AGBL4: variants seen among roughly 807,000 people sequenced by gnomAD.
AGBL4 encodes the protein cytosolic carboxypeptidase 6.
AGBL4 carries 58 observed loss-of-function variants against 66.4 expected under a neutral mutation model. The ratio of observed to expected loss-of-function variants is 0.87; its 90% CI spans 0.71 to 1.09. The LOEUF is 1.09. Ranked by LOEUF, AGBL4 falls within the 50% of genes least tolerant of loss-of-function variation. The pLI, the probability that AGBL4 is intolerant of heterozygous loss-of-function variation, is 0.00. For synonymous variants in AGBL4, 234 were observed against 222.9 expected (o/e 1.05, Z -0.44); for missense variants, 579 against 631.0 (o/e 0.92, Z 0.88).
chr1:49,587,571 C>G (rs1022691247), intron 3 of AGBL4, among the ~76,000 whole-genome samples: 9 of 152,112 alleles, frequency 5.9e-5, no homozygotes, highest in African/African-American at 2.2e-4. Flanking sequence ...TACCCGCTAG[C>G]TGGAACCCTG....
chr1:48,736,569 G>A lies in AGBL4; in HGVS notation c.635-73328C>T, dbSNP rs1048657346. The stretch of plus-strand genomic sequence containing the variant: ...TGTAAGAGATTCATGTCATAAATAT[G>A]AAATTAACTCTCTTTAAGGGTAATC... On this transcript the variant is annotated intron_variant, in intron 6 of 13. Transcript: ENST00000371839. The surrounding 1 kb of genome is among the most constrained non-coding windows in gnomAD (Gnocchi z 4.0). 6.1e-6 allele frequency: 5 copies of A among 825,490 alleles called. No homozygotes were observed. The highest frequency in any genetic ancestry group is 9.7e-6 in the Non-Finnish European group (5 of 514,998). 51.1% of individuals were successfully genotyped at this position (825,490 alleles called of 1,614,324 possible). A position where few individuals can be genotyped will look rare whatever the true frequency, so the allele number is the denominator to read the frequency against.
chr1:49,043,940 A>T (rs1024527773), intron 5 of AGBL4, among the ~76,000 whole-genome samples: 4 of 152,186 alleles, frequency 2.6e-5, no homozygotes, highest in African/African-American at 9.7e-5. Context: ...GAGTCCATTT[A>T]ACTAGCAACA....
At chr1:49,324,559 G>A (rs920499904) in intron 3 of AGBL4, among the ~76,000 whole-genome samples, 1 of 152,234 alleles carries the variant, frequency 6.6e-6, no homozygotes, top group South Asian at 2.1e-4. Context: ...TGTGTTTACA[G>A]GGCATTAGAA....
chr1:49,586,492 G>T (rs1425560722), intron 3 of AGBL4, among the ~76,000 whole-genome samples: 1 of 152,156 alleles, frequency 6.6e-6, no homozygotes, highest in African/African-American at 2.4e-5. Context: ...AAAAGATCTT[G>T]TGAAGACAGT....
At chr1:49,071,157 G>T (rs891478226) in intron 4 of AGBL4, among the ~76,000 whole-genome samples, 2 of 151,738 alleles carry the variant, frequency 1.3e-5, no homozygotes, top group South Asian at 4.2e-4. Context: ...AGTCTGGCTT[G>T]TGGCCTATCT....
chr1:48,670,727 C>T (rs1646263439), intron 6 of AGBL4, among the ~76,000 whole-genome samples: 1 of 152,196 alleles, frequency 6.6e-6, no homozygotes, highest in Admixed American at 6.5e-5. Flanking sequence ...CTTCCTCAGG[C>T]AGGCTCCCTA....
At chr1:49,356,932 T>C (rs1380594271) in intron 3 of AGBL4, among the ~76,000 whole-genome samples, 1 of 152,118 alleles carries the variant, frequency 6.6e-6, no homozygotes, top group Non-Finnish European at 1.5e-5. Context: ...ACATGTCCAG[T>C]AGGTTTTCAG....
At chr1:49,866,006 T>C in intron 1 of AGBL4, 1 of 307,750 alleles carries the variant, frequency 3.2e-6, no homozygotes, top group Non-Finnish European at 6.7e-6. Context: ...AGGAAAGAAT[T>C]TCAGAGCTTC....
intron 4 of AGBL4, among the ~76,000 whole-genome samples, chr1:49,092,064 A>T (rs1344061215): frequency 2.0e-5 from 3 of 152,040 alleles, no homozygotes; most frequent in Non-Finnish European, 2.9e-5. Context: ...GAGGATAGAG[A>T]AACTACCTAT....
intron 3 of AGBL4, among the ~76,000 whole-genome samples, chr1:49,428,506 A>T (rs945402019): frequency 2.6e-5 from 4 of 152,232 alleles, no homozygotes; most frequent in Non-Finnish European, 5.9e-5. Flanking sequence ...TGTGAATAAT[A>T]GCAGCAGAGG....
At chr1:49,762,955 C>T (rs1652453152) in intron 2 of AGBL4, among the ~76,000 whole-genome samples, 1 of 152,164 alleles carries the variant, frequency 6.6e-6, no homozygotes, top group Non-Finnish European at 1.5e-5. Context: ...AATCCTTGCC[C>T]AGCCCAGCGT....
intron 3 of AGBL4, among the ~76,000 whole-genome samples, chr1:49,510,965 C>T (rs2148782550): frequency 6.6e-6 from 1 of 151,502 alleles, no homozygotes; most frequent in South Asian, 2.1e-4. Context: ...GTACCAGTAC[C>T]ATGCTGTTTT....
intron 11 of AGBL4, among the ~76,000 whole-genome samples, chr1:48,548,789 C>G (rs1569734010): frequency 6.6e-6 from 1 of 152,356 alleles, no homozygotes; most frequent in East Asian, 1.9e-4. Context: ...CATGGCAGCT[C>G]TGATTACCAT....
At chr1:48,912,072 G>A (rs1653176933) in intron 5 of AGBL4, among the ~76,000 whole-genome samples, 1 of 152,074 alleles carries the variant, frequency 6.6e-6, no homozygotes, top group Admixed American at 6.5e-5. Context: ...AGCATATACT[G>A]AGCATCTGTG....
intron 9 of AGBL4, among the ~76,000 whole-genome samples, chr1:48,598,264 G>A (rs1208393199): frequency 2.0e-5 from 3 of 152,150 alleles, no homozygotes; most frequent in Non-Finnish European, 4.4e-5. Flanking sequence ...TGAGGCAGTT[G>A]AGACAGTTCC....
At chr1:48,709,746 C>T (rs1456011080) in intron 6 of AGBL4, among the ~76,000 whole-genome samples, 1 of 151,958 alleles carries the variant, frequency 6.6e-6, no homozygotes, top group East Asian at 1.9e-4. Flanking sequence ...GGACTACAGG[C>T]ACCCGCCACC....
intron 6 of AGBL4, among the ~76,000 whole-genome samples, chr1:48,850,644 C>T (rs933594661): frequency 2.0e-5 from 3 of 152,178 alleles, no homozygotes; most frequent in East Asian, 1.9e-4. Context: ...CCCACACCAA[C>T]CTCCCAAGTA....
intron 3 of AGBL4, among the ~76,000 whole-genome samples, chr1:49,277,738 A>C (rs1331555420): frequency 4.3e-5 from 1 of 23,024 alleles, no homozygotes; most frequent in African/African-American, 1.1e-4. Context: ...GGCATAGCTG[A>C]AAAAAAAAAA....
intron 4 of AGBL4, among the ~76,000 whole-genome samples, chr1:49,225,917 A>G (rs554053151): frequency 6.0e-4 from 91 of 152,340 alleles, no homozygotes; most frequent in African/African-American, 2.2e-3. Flanking sequence ...CTAGATTCAC[A>G]TCAGTACAGG....
Sources: allele counts gnomAD v4.1 joint callset (sites outside exome capture counted in the v4.1 genomes callset), GRCh38; gene constraint gnomAD v4.1.1; non-coding constraint Gnocchi (gnomAD v3.1); transcripts MANE v1.5; gene names NCBI Gene and HGNC (gene_info 2026-07-23, HGNC 2026-07-21).